HECTD4: variants seen among roughly 807,000 people sequenced by gnomAD.
HECTD4 encodes HECT domain E3 ubiquitin protein ligase 4.
In HECTD4, 114 loss-of-function variants were observed where a neutral mutation model predicts 471.5. The ratio of observed to expected loss-of-function variants is 0.24; its 90% CI spans 0.21 to 0.28. The LOEUF is 0.28. Ranked by LOEUF, HECTD4 falls within the 10% of genes least tolerant of loss-of-function variation. HECTD4 has a pLI of 1.00. For missense variants in HECTD4, 3,866 were observed against 5,651.5 expected, an observed-to-expected ratio of 0.68 and a Z score of 10.13; for synonymous variants, 2,012 against 2,256.0, an observed-to-expected ratio of 0.89 and a Z score of 3.07.
Position 112,217,157 on chromosome 12 carries a change from C to A in HECTD4, c.7113G>T (p.Pro2371=), listed in dbSNP as rs571028669. The A allele has an allele frequency of 1.9e-6, 3 of 1,550,250 alleles. No homozygotes were observed. The highest frequency in any genetic ancestry group is 8.7e-7 in the Non-Finnish European group (1 of 1,149,296). Residue 2371 remains proline, a synonymous_variant, in exon 46 of 76, where the codon CCG becomes CCT. Transcript: ENST00000682272. ...ATGAGAACATGCAGGCTCGAACAGG[C>A]GGAAACACTCGCGAGGGGCTCCAAG... is the stretch of plus-strand genomic sequence containing the variant. ...EITWSPSRVF[P]PVRACMFSSH...
Position 112,193,616 on chromosome 12 carries a change from A to G in HECTD4, c.8808T>C (p.His2936=). 6.2e-7 allele frequency: 1 copy of G among 1,613,272 alleles called. No individual in the cohort carries two copies. The highest frequency in any genetic ancestry group is 1.7e-4 in the Middle Eastern group (1 of 6,060). ...GGTCCGTGGCGGAGCAGTTCTGGGAATGGATGCAATGCTGTAAAGACTGCG... is the reference window on the plus strand; with the variant it reads ...GGTCCGTGGCGGAGCAGTTCTGGGAGTGGATGCAATGCTGTAAAGACTGCG... ...LLAQSLQHCI[H]SQNCSATDLF... is the part of the protein sequence containing the mutation. Residue 2936 remains histidine, a synonymous_variant, in exon 57 of 76, where the codon CAT becomes CAC. Transcript: ENST00000682272. This position sits in a 1 kb window ranked among gnomAD's most constrained non-coding sequence, Gnocchi z 5.2.
chr12:112,276,347 A>T (rs1381290280), intron 9 of HECTD4, among the ~76,000 whole-genome samples: 1 of 152,204 alleles, frequency 6.6e-6, no homozygotes, highest in African/African-American at 2.4e-5. Context: ...AACACAATTT[A>T]ATAAGACTAA....
intron 54 of HECTD4, 51 bp from the exon 55 acceptor site, chr12:112,200,849 A>G (rs2032401070): frequency 1.9e-6 from 3 of 1,560,732 alleles, no homozygotes; most frequent in Non-Finnish European, 2.6e-6. Flanking sequence ...TTTGTTTTCC[A>G]TGTGTGCGTG....
At chr12:112,229,668 C>T (rs573852734) in intron 41 of HECTD4, 30 bp downstream of exon 41, 7 of 1,582,798 alleles carry the variant, frequency 4.4e-6, no homozygotes, top group South Asian at 1.1e-5. Context: ...ATGGGGGAAG[C>T]AATGATTTGG....
intron 1 of HECTD4, among the ~76,000 whole-genome samples, chr12:112,346,709 C>T (rs528150189): frequency 1.3e-5 from 2 of 152,216 alleles, no homozygotes; most frequent in East Asian, 1.9e-4. Context: ...TCTCCAGCCC[C>T]GACAGTTGCT....
Position 112,279,196 on chromosome 12 carries a change from C to T in HECTD4, c.1687+32G>A, listed in dbSNP as rs10492015. 54,535 of 1,575,780 alleles carry T rather than the reference C, an allele frequency of 0.035. 10,760 individuals carry two copies. In the East Asian group the frequency reaches 0.64, roughly 18 times the overall value. On this transcript the variant is annotated intron_variant, in intron 9 of 75. Transcript: ENST00000682272. ...TTAAATTTCAGAGTTTGAGATAAAT[C>T]GAGGAAAGTGCCACAAGTAAAATTC... is the stretch of plus-strand genomic sequence containing the variant.
chr12:112,233,151 A>C, intron 37 of HECTD4, 66 bp from the exon 38 acceptor site: 1 of 1,277,592 alleles, frequency 7.8e-7, no homozygotes, highest in Non-Finnish European at 1.1e-6. Context: ...GCTGCATGCC[A>C]TGGGGTCACC....
At chr12:112,367,016 T>C (rs2036574093) in intron 1 of HECTD4, among the ~76,000 whole-genome samples, 7 of 150,874 alleles carry the variant, frequency 4.6e-5, no homozygotes. Context: ...AAATGCTAAA[T>C]TTTGGCTGGG....
intron 9 of HECTD4, among the ~76,000 whole-genome samples, chr12:112,278,233 G>A (rs12424641): frequency 0.15 from 23,253 of 152,012 alleles, 2,399 homozygotes; most frequent in African/African-American, 0.29. Flanking sequence ...ATGAGTATGA[G>A]GTTTCTTTTT....
intron 25 of HECTD4, 109 bp downstream of exon 25, chr12:112,250,035 A>G: frequency 1.3e-6 from 1 of 784,354 alleles, no homozygotes; most frequent in Non-Finnish European, 2.1e-6. Flanking sequence ...CATGGAGTAA[A>G]CATAAAATTA....
chr12:112,303,587 G>C (rs1412648869), intron 7 of HECTD4, among the ~76,000 whole-genome samples: 1 of 152,082 alleles, frequency 6.6e-6, no homozygotes, highest in East Asian at 1.9e-4. Context: ...TGGTGGCTCA[G>C]GCCTGTTATC....
In HECTD4 at chr12:112,185,477, G is replaced by A. The variant is rs538271732; in HGVS notation, c.9489C>T (p.Thr3163=). The change falls in exon 61 of 76, where the codon ACC becomes ACT. Residue 3163 remains threonine (T), a synonymous_variant. Transcript: ENST00000682272. ...VVELLGNFLW[T]TDMAACVKEL... ...CCTTCACGCAGGCTGCCATGTCCGT[G>A]GTCCACAAGAAGTTTCCTGAGGCAA... is the stretch of plus-strand genomic sequence containing the variant. The A allele has an allele frequency of 5.8e-6, 9 of 1,551,536 alleles. No homozygotes were observed. The South Asian group carries it at 7.3e-5, about 13-fold the overall frequency.
chr12:112,348,992 TGAG>T (rs1270948475), intron 1 of HECTD4, among the ~76,000 whole-genome samples: 3 of 152,132 alleles, frequency 2.0e-5, no homozygotes, highest in Non-Finnish European at 4.4e-5. Context: ...TGCCTTTGAA[TGAG>T]GAGGAGGGAT....
rs2033591788 is a variant in HECTD4, at chr12:112,239,625, G to A, written c.5105+256C>T. Among the ~76,000 whole-genome samples, 1 of 152,076 alleles carries A rather than the reference G, an allele frequency of 6.6e-6. No homozygotes were observed. Among genetic ancestry groups the A allele is most frequent in the East Asian group, 1.9e-4 (1 of 5,200 alleles). ...TGCCAAATATGTAAGTAATTTCCTA[G>A]GGACCTTTTATTTTTCTTTGAACCT... On this transcript the variant is annotated intron_variant, in intron 33 of 75. Coordinates refer to ENST00000682272, the MANE Select transcript of HECTD4 (RefSeq NM_001388303.1). The surrounding 1 kb of genome is among the most constrained non-coding windows in gnomAD (Gnocchi z 4.9).
intron 15 of HECTD4, 38 bp downstream of exon 15, chr12:112,265,840 A>G: frequency 6.8e-7 from 1 of 1,461,832 alleles, no homozygotes; most frequent in Non-Finnish European, 9.6e-7. Flanking sequence ...ACGACTGAGA[A>G]CACAAAGGCT....
rs2030729446 is a variant in HECTD4, at chr12:112,162,542, G to A, written c.13121-19C>T. The A allele has an allele frequency of 6.2e-7, 1 of 1,613,846 alleles. No individual in the cohort carries two copies. The highest frequency in any genetic ancestry group is 1.7e-5 in the Admixed American group (1 of 60,030). On this transcript the variant is annotated intron_variant, in intron 75 of 75. Coordinates refer to ENST00000682272, the MANE Select transcript of HECTD4 (RefSeq NM_001388303.1). This position sits in a 1 kb window ranked among gnomAD's most constrained non-coding sequence, Gnocchi z 5.2. ...GGGGAACCTACAAGAAACCGAGCCA[G>A]CATCAGAGGGTTGGGCCCACATCTG...
chr12:112,284,382 A>G (rs2034705733), intron 7 of HECTD4, among the ~76,000 whole-genome samples: 1 of 152,108 alleles, frequency 6.6e-6, no homozygotes, highest in Non-Finnish European at 1.5e-5. Flanking sequence ...GGGTGTGGAG[A>G]TAAGAGGGAA....
At chr12:112,283,441 A>G in intron 7 of HECTD4, 139 bp from the exon 8 acceptor site, 1 of 621,284 alleles carries the variant, frequency 1.6e-6, no homozygotes, top group Non-Finnish European at 2.8e-6. Context: ...TAAAACTTAA[A>G]TGTGCTATAG....
At chr12:112,199,296 A>C (rs1484980410) in intron 55 of HECTD4, among the ~76,000 whole-genome samples, 1 of 152,216 alleles carries the variant, frequency 6.6e-6, no homozygotes, top group Non-Finnish European at 1.5e-5. Context: ...TAAGAAAGTC[A>C]TATGTGACCT....
Sources: gnomAD v4.1 joint callset for allele counts (sites outside exome capture counted in the v4.1 genomes callset) on GRCh38, gnomAD v4.1.1 for gene constraint, Gnocchi (gnomAD v3.1) non-coding constraint, MANE v1.5 for transcripts, NCBI Gene and HGNC (gene_info 2026-07-23, HGNC 2026-07-21) for gene names.